SBF2: variants seen among roughly 807,000 people sequenced by gnomAD.
SBF2 encodes the protein SET binding factor 2, also known as myotubularin-related protein 13.
In SBF2, 112 loss-of-function variants were observed where a neutral mutation model predicts 225.2. That is an observed-to-expected ratio of 0.50 (90% CI 0.43 to 0.58). SBF2 has a LOEUF of 0.58. Ranked by LOEUF, SBF2 falls within the 20% of genes least tolerant of loss-of-function variation. The pLI is 0.00. For missense variants in SBF2, 1,996 were observed against 2,206.2 expected, an observed-to-expected ratio of 0.90 and a Z score of 1.91; for synonymous variants, 763 against 773.3, an observed-to-expected ratio of 0.99 and a Z score of 0.22.
At position 10,196,837 on chromosome 11, in the gene SBF2, AATATATATAT is replaced by A. The variant is rs71313475; in HGVS notation, c.56-2860_56-2851del. ...CATTTATTCCTAGGTTTCTTGCATA[AATATATATAT>A]ATATATATATATATATATATTTTTT... On this transcript the variant is annotated intron_variant, in intron 1 of 39. Transcript: ENST00000256190. Among the ~76,000 whole-genome samples the A allele has an allele frequency of 1.9e-4, 16 of 83,522 alleles. 1 individual carries two copies. The highest frequency in any genetic ancestry group is 6.8e-4 in the African/African-American group (16 of 23,396). 54.8% of individuals were successfully genotyped at this position (83,522 alleles called of 152,430 possible).
chr11:9,865,245 T>G (rs1858095416), intron 17 of SBF2, among the ~76,000 whole-genome samples: 1 of 152,194 alleles, frequency 6.6e-6, no homozygotes, highest in South Asian at 2.1e-4. Context: ...TAGAAATATC[T>G]CTGTAAAAAA....
At chr11:9,798,490 G>A (rs1853271598) in intron 32 of SBF2, among the ~76,000 whole-genome samples, 2 of 152,292 alleles carry the variant, frequency 1.3e-5, no homozygotes, top group African/African-American at 2.4e-5. Context: ...TCTGCAGTGT[G>A]CTCAGGCAGG....
intron 13 of SBF2, among the ~76,000 whole-genome samples, 185 bp downstream of exon 13, chr11:9,989,312 G>A (rs1306914173): frequency 6.6e-6 from 1 of 152,020 alleles, no homozygotes; most frequent in Non-Finnish European, 1.5e-5. Flanking sequence ...GGAGGGAGGC[G>A]AGGGATAAAA....
chr11:10,276,177 CA>C (rs961110161), intron 1 of SBF2, among the ~76,000 whole-genome samples: 2 of 151,968 alleles, frequency 1.3e-5, no homozygotes, highest in African/African-American at 4.8e-5. Context: ...TACTTTGCAA[CA>C]AAAAAAATTT....
intron 26 of SBF2, among the ~76,000 whole-genome samples, chr11:9,833,205 C>T (rs553817508): frequency 6.6e-6 from 1 of 152,280 alleles, no homozygotes; most frequent in African/African-American, 2.4e-5. Context: ...GTTAATAACA[C>T]TACATGTTGA....
chr11:10,036,352 G>T (rs1949438903), intron 3 of SBF2, among the ~76,000 whole-genome samples: 1 of 151,988 alleles, frequency 6.6e-6, no homozygotes, highest in African/African-American at 2.4e-5. Flanking sequence ...CATGGCACAT[G>T]TATACCTATG....
At chr11:9,800,910 ATG>A (rs1277052906) in intron 32 of SBF2, among the ~76,000 whole-genome samples, 3 of 152,028 alleles carry the variant, frequency 2.0e-5, no homozygotes, top group African/African-American at 7.2e-5. Context: ...TATTGGTAAT[ATG>A]TGTCTTTTTT....
At chr11:10,273,332 G>T (rs904533707) in intron 1 of SBF2, among the ~76,000 whole-genome samples, 1 of 151,974 alleles carries the variant, frequency 6.6e-6, no homozygotes, top group African/African-American at 2.4e-5. Flanking sequence ...TTTTGAACTC[G>T]AATTACTGTT....
intron 2 of SBF2, among the ~76,000 whole-genome samples, chr11:10,170,862 T>G (rs1324125880): frequency 6.6e-6 from 1 of 152,148 alleles, no homozygotes; most frequent in East Asian, 1.9e-4. Context: ...GTAGAGATCT[T>G]TCACTTCTTT....
At chr11:9,804,515 C>T (rs1286476911) in intron 32 of SBF2, among the ~76,000 whole-genome samples, 3 of 152,180 alleles carry the variant, frequency 2.0e-5, no homozygotes, top group African/African-American at 7.2e-5. Context: ...GGTCACTGTA[C>T]ACAGTTGTGT....
chr11:9,957,404 T>C (rs1419779646), intron 16 of SBF2: 1 of 152,232 alleles, frequency 6.6e-6, no homozygotes, highest in Non-Finnish European at 1.5e-5. Flanking sequence ...ACCTGTATGT[T>C]GTTTCTCCCT....
chr11:9,924,701 G>A (rs1863897796), intron 16 of SBF2, among the ~76,000 whole-genome samples: 1 of 152,038 alleles, frequency 6.6e-6, no homozygotes, highest in Admixed American at 6.6e-5. Context: ...CAAAGTGCTG[G>A]GATTACAGGC....
At chr11:10,209,967 T>G (rs1391900379) in intron 1 of SBF2, among the ~76,000 whole-genome samples, 1 of 152,106 alleles carries the variant, frequency 6.6e-6, no homozygotes, top group African/African-American at 2.4e-5. Context: ...ATATGTCTGC[T>G]AGAGCTGCAA....
chr11:10,138,870 A>T (rs1135372), intron 2 of SBF2, among the ~76,000 whole-genome samples: 11,588 of 152,136 alleles, frequency 0.076, 630 homozygotes, highest in East Asian at 0.28. Flanking sequence ...TGGTGTATTT[A>T]CCATGAACAT....
intron 31 of SBF2, chr11:9,808,478 G>A (rs1853977550): frequency 2.0e-6 from 1 of 489,886 alleles, no homozygotes; most frequent in African/African-American, 1.9e-5. Flanking sequence ...GAGGCCAGAG[G>A]ATCAGTTAAA....
intron 2 of SBF2, among the ~76,000 whole-genome samples, chr11:10,090,066 G>T (rs1481528447): frequency 6.6e-6 from 1 of 152,158 alleles, no homozygotes; most frequent in Non-Finnish European, 1.5e-5. Flanking sequence ...TATGCTAAGT[G>T]AAATAAGCCA....
intron 1 of SBF2, among the ~76,000 whole-genome samples, chr11:10,241,035 T>G (rs1024240175): frequency 6.6e-6 from 1 of 152,144 alleles, no homozygotes; most frequent in African/African-American, 2.4e-5. Context: ...TTAAAAAAAT[T>G]TATAGCTTGA....
chr11:10,090,572 C>G (rs1951739023), intron 2 of SBF2, among the ~76,000 whole-genome samples: 1 of 151,968 alleles, frequency 6.6e-6, no homozygotes, highest in African/African-American at 2.4e-5. Flanking sequence ...TGAGACTAGC[C>G]TGGCCAACAT....
intron 33 of SBF2, 50 bp from the exon 34 acceptor site, chr11:9,790,733 T>A: frequency 6.8e-7 from 1 of 1,472,618 alleles, no homozygotes; most frequent in Middle Eastern, 1.9e-4. Context: ...ATTCACACTT[T>A]GCCAAAAAAC....
Sources: allele counts gnomAD v4.1 joint callset (sites outside exome capture counted in the v4.1 genomes callset), GRCh38; gene constraint gnomAD v4.1.1; transcripts MANE v1.5; gene names NCBI Gene and HGNC (gene_info 2026-07-23, HGNC 2026-07-21).